C1GALT1: variants seen among roughly 807,000 people sequenced by gnomAD.
C1GALT1 encodes the protein core 1 synthase, glycoprotein-N-acetylgalactosamine 3-beta-galactosyltransferase 1.
In C1GALT1, 11 loss-of-function variants were observed where a neutral mutation model predicts 31.0. The observed-to-expected ratio is 0.36, with a 90% CI of 0.22 to 0.59. The LOEUF is 0.59. Among genes scored for constraint, C1GALT1 ranks in the 20% least tolerant of loss-of-function variants. The pLI is 0.79. For synonymous variants in C1GALT1, 175 were observed against 143.6 expected, an observed-to-expected ratio of 1.22 and a Z score of -1.56; for missense variants, 424 against 425.2, an observed-to-expected ratio of 1.00 and a Z score of 0.03.
At position 7,188,845 on chromosome 7, in the gene C1GALT1, C is replaced by T. The variant is rs148998839; in HGVS notation, c.-18+6025C>T. On this transcript the variant is annotated intron_variant, in intron 1 of 3. Transcript: ENST00000436587. ...ATAAGTGAAGGGGTAAATTAAAGTG[C>T]AGACTAACCGATAAGCATGATCTCT... Among the ~76,000 whole-genome samples, 3 of 152,220 alleles carry T rather than the reference C, an allele frequency of 2.0e-5. No individual in the cohort carries two copies. In the East Asian group the frequency reaches 5.8e-4, roughly 29 times the overall value.
rs1396994582 is a variant in C1GALT1, at chr7:7,227,035, C to T, written c.-17-7268C>T. ...CTAAAATTGAGCTTATTTAATGAGC[C>T]CTCCAACTCCTTTCTGTTTTTTTGT... On this transcript the variant is annotated intron_variant, in intron 1 of 3. Transcript: ENST00000436587. Among the ~76,000 whole-genome samples the T allele has an allele frequency of 2.0e-5, 3 of 151,976 alleles. No individual in the cohort carries two copies. The East Asian group carries it at 5.8e-4, about 29-fold the overall frequency.
intron 1 of C1GALT1, 83 bp from the exon 2 acceptor site, chr7:7,234,220 T>C: frequency 3.1e-6 from 3 of 973,604 alleles, no homozygotes; most frequent in Non-Finnish European, 4.7e-6. Flanking sequence ...CTTTCCGTTA[T>C]AGCTAAATGT....
intron 1 of C1GALT1, among the ~76,000 whole-genome samples, chr7:7,212,438 A>T (rs561219684): frequency 7.4e-4 from 113 of 152,310 alleles, no homozygotes; most frequent in African/African-American, 2.6e-3. Context: ...TTCTTACTGC[A>T]CTAATGCAAA....
At chr7:7,196,135 A>G (rs574555617) in intron 1 of C1GALT1, among the ~76,000 whole-genome samples, 47 of 152,262 alleles carry the variant, frequency 3.1e-4, no homozygotes, top group African/African-American at 9.9e-4. Context: ...ACATATGTAT[A>G]CATGTGTCAT....
Position 7,234,467 on chromosome 7 carries a change from C to T in C1GALT1, c.148C>T (p.His50Tyr). The T allele has an allele frequency of 6.2e-7, 1 of 1,613,908 alleles. No individual in the cohort carries two copies. Among genetic ancestry groups the T allele is most frequent in the Non-Finnish European group, 8.5e-7 (1 of 1,179,890 alleles). The change falls in exon 2 of 4, where the codon CAT becomes TAT. Residue 50 changes from histidine to tyrosine, a missense_variant. This residue lies in a region of C1GALT1 where 189 missense variants were observed against 158.2 expected (regional missense o/e 1.19). Coordinates refer to ENST00000436587, the MANE Select transcript of C1GALT1 (RefSeq NM_020156.5). ...TCTTCATAATGATCCTCATGCAAGG[C>T]ATTCAGATGATAATGGACAGAATCA... Reference protein sequence around the residue: ...NVLHNDPHARHSDDNGQNHLE... With the variant: ...NVLHNDPHARYSDDNGQNHLE...
At chr7:7,212,032 G>C (rs1782029415) in intron 1 of C1GALT1, among the ~76,000 whole-genome samples, 1 of 152,214 alleles carries the variant, frequency 6.6e-6, no homozygotes, top group Non-Finnish European at 1.5e-5. Flanking sequence ...TTATTTGCAT[G>C]AAGTGTTAGC....
At chr7:7,171,175 T>G (rs60248673) in intron 2 of C1GALT1, among the ~76,000 whole-genome samples, 3,672 of 152,260 alleles carry the variant, frequency 0.024, 133 homozygotes, top group African/African-American at 0.083. Context: ...TGTCTAGATA[T>G]TCTATTCATT....
intron 1 of C1GALT1, among the ~76,000 whole-genome samples, chr7:7,223,831 C>A (rs10260294): frequency 0.023 from 3,538 of 152,152 alleles, 154 homozygotes; most frequent in African/African-American, 0.081. Context: ...AGTGGACATC[C>A]TTTCCTTGTT....
intron 2 of C1GALT1, among the ~76,000 whole-genome samples, chr7:7,171,626 T>C (rs909546364): frequency 6.6e-6 from 1 of 152,172 alleles, no homozygotes; most frequent in African/African-American, 2.4e-5. Context: ...TTTTGATACT[T>C]GTTTTCTGTA....
At chr7:7,202,414 T>G (rs1705760806) in intron 1 of C1GALT1, among the ~76,000 whole-genome samples, 1 of 152,236 alleles carries the variant, frequency 6.6e-6, no homozygotes, top group Admixed American at 6.5e-5. Flanking sequence ...TTGTGTTATG[T>G]AAAAGTCCAA....
intron 2 of C1GALT1, among the ~76,000 whole-genome samples, chr7:7,159,691 AC>A (rs1347545842): frequency 1.3e-5 from 2 of 152,156 alleles, no homozygotes; most frequent in East Asian, 3.8e-4. Flanking sequence ...CTATTTTTAC[AC>A]GTAGATTTTC....
At chr7:7,212,236 C>T (rs1441038035) in intron 1 of C1GALT1, among the ~76,000 whole-genome samples, 2 of 152,184 alleles carry the variant, frequency 1.3e-5, no homozygotes, top group Admixed American at 6.5e-5. Flanking sequence ...AAGTGACGTT[C>T]TTTACTGACC....
intron 1 of C1GALT1, among the ~76,000 whole-genome samples, chr7:7,206,686 AAAAAG>A (rs938312207): frequency 6.7e-6 from 1 of 149,584 alleles, no homozygotes; most frequent in Admixed American, 6.6e-5. Flanking sequence ...CAAAAAAAAA[AAAAAG>A]AAGAGAATGT....
intron 1 of C1GALT1, among the ~76,000 whole-genome samples, chr7:7,214,778 C>A (rs1173427805): frequency 6.6e-6 from 1 of 152,186 alleles, no homozygotes; most frequent in Non-Finnish European, 1.5e-5. Context: ...GCCGGGTTTA[C>A]ATTCTCCAGT....
intron 2 of C1GALT1, among the ~76,000 whole-genome samples, chr7:7,161,002 GAA>G (rs1780327813): frequency 3.9e-5 from 6 of 152,070 alleles, no homozygotes; most frequent in Non-Finnish European, 8.8e-5. Context: ...ATCTAAGACA[GAA>G]TAATAGGCAG....
chr7:7,240,238 A>G (rs1164874665), intron 3 of C1GALT1, among the ~76,000 whole-genome samples: 2 of 152,166 alleles, frequency 1.3e-5, no homozygotes, highest in African/African-American at 4.8e-5. Context: ...AACCCACTAC[A>G]TTATAAACCT....
At chr7:7,213,134 T>C (rs1782082363) in intron 1 of C1GALT1, among the ~76,000 whole-genome samples, 2 of 152,192 alleles carry the variant, frequency 1.3e-5, no homozygotes, top group South Asian at 4.1e-4. Context: ...GTCAGTTCTT[T>C]AGGAGTCCCA....
intron 2 of C1GALT1, among the ~76,000 whole-genome samples, chr7:7,176,788 G>C (rs978527462): frequency 6.6e-6 from 1 of 152,100 alleles, no homozygotes; most frequent in African/African-American, 2.4e-5. Context: ...GGTAAATTTT[G>C]TAAAGATGTA....
At chr7:7,191,802 C>G (rs183993498) in intron 1 of C1GALT1, among the ~76,000 whole-genome samples, 3 of 151,804 alleles carry the variant, frequency 2.0e-5, no homozygotes, top group African/African-American at 4.9e-5. Flanking sequence ...GAGTCTTTTG[C>G]ACATTGTTGA....
Sources: allele counts gnomAD v4.1 joint callset (sites outside exome capture counted in the v4.1 genomes callset), GRCh38; gene constraint gnomAD v4.1.1; regional missense constraint gnomAD v4.1.1; transcripts MANE v1.5; gene names NCBI Gene and HGNC (gene_info 2026-07-23, HGNC 2026-07-21).